The following CCDC91 variants were observed in gnomAD, a reference collection of about 807,000 sequenced individuals.
The protein encoded by CCDC91 is coiled-coil domain-containing protein 91.
In CCDC91, 48 loss-of-function variants were observed where a neutral mutation model predicts 63.2. That is an observed-to-expected ratio of 0.76 (90% CI 0.60 to 0.97). CCDC91 has a LOEUF of 0.97. CCDC91 is among the 50% of genes least tolerant of loss of function. The pLI is 0.00. For synonymous variants in CCDC91, 167 were observed against 165.8 expected, an observed-to-expected ratio of 1.01 and a Z score of -0.06; for missense variants, 500 against 494.6, an observed-to-expected ratio of 1.01 and a Z score of -0.10.
At chr12:28,253,351 A>G (rs1322084550) in intron 1 of CCDC91, among the ~76,000 whole-genome samples, 1 of 152,134 alleles carries the variant, frequency 6.6e-6, no homozygotes, top group Non-Finnish European at 1.5e-5. Context: ...TCCCCAAGAT[A>G]TAACTTCACC....
At chr12:28,208,079 G>A (rs955785296) in intron 1 of CCDC91, among the ~76,000 whole-genome samples, 4 of 152,066 alleles carry the variant, frequency 2.6e-5, no homozygotes, top group African/African-American at 9.7e-5. Context: ...AAAGTTCCAG[G>A]AATTCTTACC....
chr12:28,292,186 C>G (rs1045801976), intron 3 of CCDC91, among the ~76,000 whole-genome samples: 10 of 152,114 alleles, frequency 6.6e-5, no homozygotes, highest in Non-Finnish European at 1.2e-4. Context: ...GTGAGAAATG[C>G]CCATTAAAAT....
intron 11 of CCDC91, among the ~76,000 whole-genome samples, chr12:28,474,222 G>A (rs558175435): frequency 1.8e-4 from 27 of 152,074 alleles, no homozygotes; most frequent in African/African-American, 5.3e-4. Flanking sequence ...CAACAAAGTC[G>A]TTTTTTCTTG....
At position 28,362,503 on chromosome 12, in the gene CCDC91, G is replaced by T. The variant is rs1399177756; in HGVS notation, c.642G>T (p.Val214=). 7 of 1,591,138 alleles carry T rather than the reference G, an allele frequency of 4.4e-6. No homozygotes were observed. Among genetic ancestry groups the T allele is most frequent in the Non-Finnish European group, 6.0e-6 (7 of 1,167,934 alleles). The change falls in exon 7 of 13, where the codon GTG becomes GTT. Residue 214 remains valine, a synonymous_variant. Transcript: ENST00000536442. ...GTCACGAAGCCCTCAGCATTATTGT[G>T]GATGAATATAAGGTAGAGGTTTGAG... ...KAGHEALSII[V]DEYKALLQSS...
At chr12:28,518,904 T>C (rs894407226) in intron 12 of CCDC91, among the ~76,000 whole-genome samples, 4 of 152,018 alleles carry the variant, frequency 2.6e-5, no homozygotes, top group Non-Finnish European at 5.9e-5. Context: ...ATTTGTTGAA[T>C]AGGGCGTCTT....
chr12:28,485,155 C>CT (rs879488963), intron 12 of CCDC91, among the ~76,000 whole-genome samples: 48 of 143,498 alleles, frequency 3.3e-4, no homozygotes, highest in Admixed American at 4.2e-4. Flanking sequence ...TAGTCCTATA[C>CT]TTTTTTTTTT....
At chr12:28,486,013 C>T (rs1400309847) in intron 12 of CCDC91, among the ~76,000 whole-genome samples, 1 of 152,132 alleles carries the variant, frequency 6.6e-6, no homozygotes, top group Non-Finnish European at 1.5e-5. Context: ...AGTTCTTCCT[C>T]TTAAAATTTT....
At chr12:28,254,772 CTTTT>C (rs34812000) in intron 1 of CCDC91, among the ~76,000 whole-genome samples, 7 of 128,820 alleles carry the variant, frequency 5.4e-5, no homozygotes, top group Admixed American at 1.6e-4. Context: ...GTATCATCTG[CTTTT>C]TTTTTTTTTT....
chr12:28,294,319 T>C (rs12303069), intron 3 of CCDC91, among the ~76,000 whole-genome samples: 63,515 of 151,812 alleles, frequency 0.42, 13,561 homozygotes, highest in Middle Eastern at 0.49. Flanking sequence ...CCAAATCTCA[T>C]CTCGAATTGT....
At chr12:28,432,815 CT>C (rs981260766) in intron 8 of CCDC91, among the ~76,000 whole-genome samples, 49 of 152,206 alleles carry the variant, frequency 3.2e-4, no homozygotes, top group African/African-American at 1.2e-3. Flanking sequence ...TCCAAAGTGT[CT>C]GTACCATTTT....
At chr12:28,356,481 T>C (rs1350473410) in intron 6 of CCDC91, among the ~76,000 whole-genome samples, 1 of 152,158 alleles carries the variant, frequency 6.6e-6, no homozygotes, top group East Asian at 1.9e-4. Flanking sequence ...TCCGAATTTT[T>C]TCATGTATGG....
chr12:28,428,801 T>A (rs902385812), intron 8 of CCDC91, among the ~76,000 whole-genome samples: 1 of 152,100 alleles, frequency 6.6e-6, no homozygotes. Context: ...ATGTTACTTA[T>A]CAAATCTGCA....
At chr12:28,522,814 C>A (rs1010609101) in intron 12 of CCDC91, among the ~76,000 whole-genome samples, 1 of 152,138 alleles carries the variant, frequency 6.6e-6, no homozygotes, top group African/African-American at 2.4e-5. Flanking sequence ...TTTATTTCTG[C>A]CTTCATTTCG....
chr12:28,521,147 A>G (rs925037725), intron 12 of CCDC91, among the ~76,000 whole-genome samples: 17 of 152,188 alleles, frequency 1.1e-4, no homozygotes, highest in Non-Finnish European at 2.2e-4. Context: ...CATTGAATCT[A>G]TAAATTACCT....
chr12:28,287,041 C>T (rs1416741133), intron 3 of CCDC91, among the ~76,000 whole-genome samples: 1 of 151,610 alleles, frequency 6.6e-6, no homozygotes, highest in Non-Finnish European at 1.5e-5. Context: ...GTCCTTTGCT[C>T]AGTTTTTAAT....
At chr12:28,387,726 T>C (rs1945691317) in intron 7 of CCDC91, among the ~76,000 whole-genome samples, 2 of 152,236 alleles carry the variant, frequency 1.3e-5, no homozygotes, top group South Asian at 4.1e-4. Context: ...AATTCATTCC[T>C]TTTTATGGCT....
intron 3 of CCDC91, among the ~76,000 whole-genome samples, chr12:28,292,311 C>T (rs1412964374): frequency 2.0e-5 from 3 of 152,154 alleles, no homozygotes; most frequent in Non-Finnish European, 4.4e-5. Flanking sequence ...TGAAAGTCTA[C>T]CGTTTTCAAT....
At chr12:28,298,644 A>G (rs1414688418) in intron 3 of CCDC91, among the ~76,000 whole-genome samples, 1 of 150,242 alleles carries the variant, frequency 6.7e-6, no homozygotes, top group Non-Finnish European at 1.5e-5. Context: ...CAATTTCATA[A>G]TTTTTCTTCT....
chr12:28,269,366 T>G (rs1232166467), intron 3 of CCDC91, among the ~76,000 whole-genome samples: 1 of 152,126 alleles, frequency 6.6e-6, no homozygotes, highest in Non-Finnish European at 1.5e-5. Context: ...TCCTTGTGAT[T>G]ATCTATTCCA....
Sources: allele counts gnomAD v4.1 joint callset (sites outside exome capture counted in the v4.1 genomes callset), GRCh38; gene constraint gnomAD v4.1.1; transcripts MANE v1.5; gene names NCBI Gene and HGNC (gene_info 2026-07-23, HGNC 2026-07-21).